The following ANKS1B variants were observed in gnomAD, a reference collection of about 807,000 sequenced individuals.
ANKS1B encodes ankyrin repeat and sterile alpha motif domain-containing protein 1B.
A neutral mutation model predicts 148.3 loss-of-function variants in ANKS1B; 36 were observed. The observed-to-expected ratio is 0.24, with a 90% CI of 0.19 to 0.32. ANKS1B has a LOEUF of 0.32. Among genes scored for constraint, ANKS1B ranks in the 10% least tolerant of loss-of-function variants. The probability of loss-of-function intolerance (pLI) is 1.00; values close to 1 mark genes in which losing one functional copy is unlikely to be tolerated. For missense variants in ANKS1B, 1,157 were observed against 1,542.6 expected (o/e 0.75, Z 4.19); for synonymous variants, 542 against 560.8 (o/e 0.97, Z 0.47).
At chr12:99,323,677 C>T (rs530809282) in intron 12 of ANKS1B, among the ~76,000 whole-genome samples, 1 of 152,202 alleles carries the variant, frequency 6.6e-6, no homozygotes, top group East Asian at 1.9e-4. Context: ...ATTCTTATGG[C>T]TTGTTATTGA....
At chr12:99,201,656 C>T (rs2082085203) in intron 14 of ANKS1B, among the ~76,000 whole-genome samples, 1 of 152,136 alleles carries the variant, frequency 6.6e-6, no homozygotes, top group African/African-American at 2.4e-5. Context: ...GTATACATCT[C>T]CTCTCTCCTT....
intron 14 of ANKS1B, among the ~76,000 whole-genome samples, chr12:99,173,074 C>G (rs2077966920): frequency 6.6e-6 from 1 of 152,126 alleles, no homozygotes; most frequent in Non-Finnish European, 1.5e-5. Context: ...TCAGGAAACT[C>G]TGGTTCAGTT....
chr12:99,453,019 A>T (rs11109847), intron 10 of ANKS1B, among the ~76,000 whole-genome samples: 1 of 152,048 alleles, frequency 6.6e-6, no homozygotes, highest in African/African-American at 2.4e-5. Context: ...GGCCGGGCAC[A>T]GTGGCTCACG....
chr12:99,331,879 C>T (rs867834360), intron 12 of ANKS1B, among the ~76,000 whole-genome samples: 36 of 151,900 alleles, frequency 2.4e-4, no homozygotes, highest in African/African-American at 8.4e-4. Flanking sequence ...CTGAATCATA[C>T]GTGGGGAATG....
At chr12:99,421,432 G>A (rs1000230673) in intron 11 of ANKS1B, among the ~76,000 whole-genome samples, 1 of 152,158 alleles carries the variant, frequency 6.6e-6, no homozygotes, top group Non-Finnish European at 1.5e-5. Context: ...TCTCTGATGG[G>A]AAATAAGTGG....
intron 17 of ANKS1B, among the ~76,000 whole-genome samples, chr12:99,005,509 C>T (rs1025099620): frequency 2.6e-5 from 4 of 152,182 alleles, no homozygotes; most frequent in Admixed American, 1.3e-4. Context: ...CAGATGGCCA[C>T]GTTTCTGAAC....
intron 10 of ANKS1B, among the ~76,000 whole-genome samples, chr12:99,464,283 C>T (rs1165293200): frequency 6.6e-6 from 1 of 152,128 alleles, no homozygotes; most frequent in Admixed American, 6.5e-5. Flanking sequence ...ACACCAAAAA[C>T]CCATCTGTAC....
intron 25 of ANKS1B, among the ~76,000 whole-genome samples, chr12:98,757,327 G>T (rs1191204871): frequency 1.3e-5 from 2 of 152,212 alleles, no homozygotes; most frequent in African/African-American, 2.4e-5. Context: ...TGTTGAGCAG[G>T]ACTGCCACGC....
chr12:98,796,552 T>C (rs1407803030), intron 22 of ANKS1B, among the ~76,000 whole-genome samples: 1 of 152,186 alleles, frequency 6.6e-6, no homozygotes, highest in Non-Finnish European at 1.5e-5. Flanking sequence ...AATAGAATAG[T>C]TCCAGATAGC....
chr12:98,776,906 G>A (rs1281720722), intron 24 of ANKS1B, among the ~76,000 whole-genome samples: 1 of 152,160 alleles, frequency 6.6e-6, no homozygotes, highest in Non-Finnish European at 1.5e-5. Context: ...AAAAACAATG[G>A]GAGGCCCACT....
chr12:99,434,418 G>A (rs192518560), intron 11 of ANKS1B, among the ~76,000 whole-genome samples: 96 of 151,938 alleles, frequency 6.3e-4, no homozygotes, highest in African/African-American at 2.2e-3. Flanking sequence ...TATCTACAAA[G>A]GATGTATTTC....
intron 15 of ANKS1B, among the ~76,000 whole-genome samples, chr12:99,086,180 G>C (rs1195238870): frequency 1.3e-5 from 2 of 152,132 alleles, no homozygotes; most frequent in East Asian, 3.8e-4. Flanking sequence ...GTGCTATGAT[G>C]GTGACACTTG....
chr12:99,752,932 T>C (rs555853461), intron 8 of ANKS1B, among the ~76,000 whole-genome samples: 6 of 152,180 alleles, frequency 3.9e-5, no homozygotes, highest in African/African-American at 1.4e-4. Flanking sequence ...TACTTAGTCA[T>C]AGTCATACCC....
chr12:99,231,359 C>T (rs773595891), intron 14 of ANKS1B, among the ~76,000 whole-genome samples: 1 of 152,092 alleles, frequency 6.6e-6, no homozygotes, highest in Non-Finnish European at 1.5e-5. Flanking sequence ...AAGAAATGGA[C>T]TAGCTTCTGT....
At chr12:99,141,930 C>T (rs969269910) in intron 15 of ANKS1B, among the ~76,000 whole-genome samples, 1 of 151,888 alleles carries the variant, frequency 6.6e-6, no homozygotes, top group East Asian at 1.9e-4. Context: ...GCAAGCTTTC[C>T]CATGGAGCAA....
intron 16 of ANKS1B, among the ~76,000 whole-genome samples, chr12:99,072,632 G>A (rs2046621495): frequency 6.6e-6 from 1 of 152,134 alleles, no homozygotes; most frequent in Non-Finnish European, 1.5e-5. Flanking sequence ...GTGCTTTGAA[G>A]TACAGCGTTT....
At chr12:99,608,446 A>G (rs2097868472) in intron 9 of ANKS1B, among the ~76,000 whole-genome samples, 2 of 152,146 alleles carry the variant, frequency 1.3e-5, no homozygotes, top group African/African-American at 4.8e-5. Context: ...GTGAATTTGG[A>G]AAACTGGAGT....
chr12:99,639,053 G>GT (rs1236880553), intron 9 of ANKS1B, among the ~76,000 whole-genome samples: 1 of 152,236 alleles, frequency 6.6e-6, no homozygotes, highest in Non-Finnish European at 1.5e-5. Flanking sequence ...CCAGGCAGAA[G>GT]TTTGCTCTAG....
In ANKS1B at chr12:99,288,634, A is replaced by C. The variant is rs1602451138; in HGVS notation, c.1757-41770T>G. Among the ~76,000 whole-genome samples, 3 of 152,124 alleles carry C rather than the reference A, an allele frequency of 2.0e-5. No homozygotes were observed. In the South Asian group the frequency reaches 6.2e-4, roughly 31 times the overall value. ...TAAAGTTAAAGTGTATAGAGTTATTAGTTTTCTCTTTGCTTGTTTGTTAAT... is the reference window on the plus strand; with the variant it reads ...TAAAGTTAAAGTGTATAGAGTTATTCGTTTTCTCTTTGCTTGTTTGTTAAT... On this transcript the variant is annotated intron_variant, in intron 12 of 26. Transcript: ENST00000683438.
Sources: allele counts gnomAD v4.1 joint callset (sites outside exome capture counted in the v4.1 genomes callset), GRCh38; gene constraint gnomAD v4.1.1; transcripts MANE v1.5; gene names NCBI Gene and HGNC (gene_info 2026-07-23, HGNC 2026-07-21).